The following ZHX2 variants were observed in gnomAD, a reference collection of about 807,000 sequenced individuals.
ZHX2 encodes the protein zinc fingers and homeoboxes 2, also known as zinc fingers and homeoboxes protein 2.
Under a neutral mutation model 21.9 loss-of-function variants are expected in ZHX2, and 6 were observed. The ratio of observed to expected loss-of-function variants is 0.27; its 90% CI spans 0.15 to 0.54. The LOEUF (loss-of-function observed/expected upper bound fraction) is 0.54, where lower values mean the gene tolerates loss of function less well. Ranked by LOEUF, ZHX2 falls within the 20% of genes least tolerant of loss-of-function variation. The probability of loss-of-function intolerance (pLI) is 0.95; values close to 1 mark genes in which losing one functional copy is unlikely to be tolerated. For missense variants in ZHX2, 908 were observed against 1,090.7 expected, an observed-to-expected ratio of 0.83 and a Z score of 2.36; for synonymous variants, 434 against 437.1, an observed-to-expected ratio of 0.99 and a Z score of 0.09.
At chr8:122,958,831 A>G (rs2130327357) in intron 3 of ZHX2, among the ~76,000 whole-genome samples, 1 of 152,354 alleles carries the variant, frequency 6.6e-6, no homozygotes, top group South Asian at 2.1e-4. Flanking sequence ...CAAGAACTTT[A>G]GAGAGCCCTC....
intron 1 of ZHX2, among the ~76,000 whole-genome samples, chr8:122,820,192 C>A (rs1410607368): frequency 1.3e-5 from 2 of 152,306 alleles, no homozygotes; most frequent in East Asian, 3.9e-4. Context: ...AGATCAGTAC[C>A]CCCAGGGTCC....
At chr8:122,878,370 C>T (rs1202295208) in intron 2 of ZHX2, among the ~76,000 whole-genome samples, 1 of 152,178 alleles carries the variant, frequency 6.6e-6, no homozygotes, top group African/African-American at 2.4e-5. Flanking sequence ...TGGGCCTGCT[C>T]ACATACCTAG....
intron 2 of ZHX2, among the ~76,000 whole-genome samples, chr8:122,875,132 TATATATATATATATATATATATATATATA>T (rs1563763642): frequency 0.044 from 4,288 of 96,686 alleles, 649 homozygotes; most frequent in East Asian, 0.11. Context: ...AACTCTGTTA[TATATATATATATATATATATATATATATA>T]TATATATATA....
chr8:122,905,323 G>T (rs573301657), intron 2 of ZHX2, among the ~76,000 whole-genome samples: 1 of 152,344 alleles, frequency 6.6e-6, no homozygotes, highest in East Asian at 1.9e-4. Flanking sequence ...AATGCAGTAT[G>T]CACAGCACCA....
chr8:122,795,760 C>CT lies in ZHX2; in HGVS notation c.-283+13816dup, dbSNP rs1441491750. On this transcript the variant is annotated intron_variant, in intron 1 of 3. Coordinates refer to ENST00000314393, the MANE Select transcript of ZHX2 (RefSeq NM_014943.5). ...GAAATTAAGGCTTCAAAGAAATTAA[C>CT]TTGCCTGAGTTACACAGTAAAAGGC... Among the ~76,000 whole-genome samples, 3 of 152,176 alleles carry CT rather than the reference C, an allele frequency of 2.0e-5. No individual in the cohort carries two copies. The East Asian group carries it at 5.8e-4, about 29-fold the overall frequency.
intron 3 of ZHX2, among the ~76,000 whole-genome samples, chr8:122,961,243 G>A (rs1813434722): frequency 6.6e-6 from 1 of 152,104 alleles, no homozygotes; most frequent in African/African-American, 2.4e-5. Flanking sequence ...TCACATGGCT[G>A]GTGTCTCTTC....
chr8:122,911,827 T>C (rs1820487867), intron 2 of ZHX2, among the ~76,000 whole-genome samples: 1 of 152,018 alleles, frequency 6.6e-6, no homozygotes. Context: ...TCCATGAAGA[T>C]GGTACATTTC....
intron 1 of ZHX2, among the ~76,000 whole-genome samples, chr8:122,836,722 T>C (rs1368797056): frequency 6.6e-6 from 1 of 152,190 alleles, no homozygotes; most frequent in African/African-American, 2.4e-5. Flanking sequence ...CCAGCCAGGG[T>C]AGGTGTCTTC....
At chr8:122,823,395 C>A (rs1383110028) in intron 1 of ZHX2, among the ~76,000 whole-genome samples, 1 of 152,242 alleles carries the variant, frequency 6.6e-6, no homozygotes, top group Non-Finnish European at 1.5e-5. Context: ...TCTTCATGAA[C>A]CCTGCAGAAT....
intron 3 of ZHX2, among the ~76,000 whole-genome samples, chr8:122,965,502 G>C (rs546882893): frequency 6.6e-6 from 1 of 152,172 alleles, no homozygotes; most frequent in East Asian, 1.9e-4. Flanking sequence ...TTCCACTGTA[G>C]TCTGAGAGAG....
At chr8:122,971,049 T>A (rs1307413149) in intron 3 of ZHX2, among the ~76,000 whole-genome samples, 1 of 152,200 alleles carries the variant, frequency 6.6e-6, no homozygotes, top group Non-Finnish European at 1.5e-5. Flanking sequence ...TACCTAATGT[T>A]AAGCACAACA....
At chr8:122,784,626 T>G (rs1275062599) in intron 1 of ZHX2, among the ~76,000 whole-genome samples, 1 of 152,258 alleles carries the variant, frequency 6.6e-6, no homozygotes, top group Non-Finnish European at 1.5e-5. Flanking sequence ...TGTGTTGATT[T>G]ATTTATTCAT....
At chr8:122,934,656 T>TA (rs1216928738) in intron 2 of ZHX2, among the ~76,000 whole-genome samples, 1 of 148,976 alleles carries the variant, frequency 6.7e-6, no homozygotes, top group African/African-American at 2.5e-5. Flanking sequence ...CCTTCTTTAT[T>TA]ACCTTCCTTC....
At chr8:122,880,406 CT>C (rs528808893) in intron 2 of ZHX2, among the ~76,000 whole-genome samples, 245 of 152,246 alleles carry the variant, frequency 1.6e-3, no homozygotes, top group African/African-American at 5.5e-3. Flanking sequence ...CCTCTCCCCT[CT>C]TTCCTGTGAA....
intron 2 of ZHX2, among the ~76,000 whole-genome samples, chr8:122,935,144 CCT>C (rs1363074733): frequency 6.6e-6 from 1 of 151,044 alleles, no homozygotes; most frequent in Non-Finnish European, 1.5e-5. Context: ...GACTTTTTTT[CCT>C]CTCTCTGTGT....
chr8:122,828,083 C>T lies in ZHX2; in HGVS notation c.-282-35394C>T, dbSNP rs188459441. ...GAGCCATGATCTCTCCACTGCACTC[C>T]AGCCTGGGCGACAGTGAGACCCTGT... On this transcript the variant is annotated intron_variant, in intron 1 of 3. Transcript: ENST00000314393. The surrounding 1 kb of genome is among the most constrained non-coding windows in gnomAD (Gnocchi z 5.2). Among the ~76,000 whole-genome samples, 2 of 152,268 alleles carry T rather than the reference C, an allele frequency of 1.3e-5. No homozygotes were observed. Among genetic ancestry groups the T allele is most frequent in the African/African-American group, 4.8e-5 (2 of 41,558 alleles).
chr8:122,934,837 C>T (rs753364813), intron 2 of ZHX2, among the ~76,000 whole-genome samples: 10 of 152,220 alleles, frequency 6.6e-5, no homozygotes, highest in Non-Finnish European at 1.3e-4. Flanking sequence ...TGCAGGCATG[C>T]ACCACCATGC....
In ZHX2 at chr8:122,782,931, T is replaced by C. The variant is rs1817322581; in HGVS notation, c.-283+985T>C. Among the ~76,000 whole-genome samples, 2 of 152,234 alleles carry C rather than the reference T, an allele frequency of 1.3e-5. No homozygotes were observed. Among genetic ancestry groups the C allele is most frequent in the Non-Finnish European group, 2.9e-5 (2 of 68,028 alleles). On this transcript the variant is annotated intron_variant, in intron 1 of 3. Coordinates refer to ENST00000314393, the MANE Select transcript of ZHX2 (RefSeq NM_014943.5). This position sits in a 1 kb window ranked among gnomAD's most constrained non-coding sequence, Gnocchi z 5.3. Reference sequence around the variant, plus strand: ...GACTTGTATCCTCGGCTTTGCAAACTTGCCCTTTTCCCAGCCGCTTTGCAG... The same window carrying C: ...GACTTGTATCCTCGGCTTTGCAAACCTGCCCTTTTCCCAGCCGCTTTGCAG...
intron 1 of ZHX2, among the ~76,000 whole-genome samples, chr8:122,862,358 G>A (rs13249320): frequency 6.6e-6 from 1 of 152,192 alleles, no homozygotes; most frequent in African/African-American, 2.4e-5. Context: ...TTTTGGAGCC[G>A]GTTTCCCCAC....
Sources: allele counts gnomAD v4.1 joint callset (sites outside exome capture counted in the v4.1 genomes callset), GRCh38; gene constraint gnomAD v4.1.1; non-coding constraint Gnocchi (gnomAD v3.1); transcripts MANE v1.5; gene names NCBI Gene and HGNC (gene_info 2026-07-23, HGNC 2026-07-21).